ITGA1: variants seen among roughly 807,000 people sequenced by gnomAD.
The protein encoded by ITGA1 is integrin subunit alpha 1.
ITGA1 carries 85 observed loss-of-function variants against 145.9 expected under a neutral mutation model. The ratio of observed to expected loss-of-function variants is 0.58; its 90% CI spans 0.49 to 0.70. ITGA1 has a LOEUF of 0.70. Ranked by LOEUF, ITGA1 falls within the 30% of genes least tolerant of loss-of-function variation. The pLI, the probability that ITGA1 is intolerant of heterozygous loss-of-function variation, is 0.00. For missense variants in ITGA1, 1,351 were observed against 1,418.7 expected (o/e 0.95, Z 0.77); for synonymous variants, 520 against 495.3 (o/e 1.05, Z -0.66).
intron 15 of ITGA1, among the ~76,000 whole-genome samples, chr5:52,917,668 A>G (rs968292303): frequency 1.3e-5 from 2 of 152,072 alleles, no homozygotes; most frequent in African/African-American, 2.4e-5. Context: ...GTAGGCATAC[A>G]TATGAAGATG....
At chr5:52,804,325 C>G (rs1182126097) in intron 1 of ITGA1, among the ~76,000 whole-genome samples, 2 of 152,192 alleles carry the variant, frequency 1.3e-5, no homozygotes, top group Non-Finnish European at 1.5e-5. Flanking sequence ...TGCCACTAAA[C>G]TCAATAAGTG....
Position 52,956,992 on chromosome 5 carries a change from T to C in ITGA1, c.*4541T>C, listed in dbSNP as rs1013550147. 9 of 152,220 alleles carry C rather than the reference T, an allele frequency of 5.9e-5. No homozygotes were observed. Among genetic ancestry groups the C allele is most frequent in the African/African-American group, 2.2e-4 (9 of 41,456 alleles). 9.4% of individuals were successfully genotyped at this position (152,220 alleles called of 1,614,324 possible). A position where few individuals can be genotyped will look rare whatever the true frequency, so the allele number is the denominator to read the frequency against. ...CACATTACAAAAGGCTAAATGCTGCTGTTTCTAAGTGGAAGCACTGTTGAA... is the reference window on the plus strand; with the variant it reads ...CACATTACAAAAGGCTAAATGCTGCCGTTTCTAAGTGGAAGCACTGTTGAA... On this transcript the variant is annotated 3_prime_UTR_variant, in exon 29 of 29. Coordinates refer to ENST00000282588, the MANE Select transcript of ITGA1 (RefSeq NM_181501.2).
chr5:52,893,934 CT>C (rs35782834), intron 9 of ITGA1, 94 bp downstream of exon 9: 126,265 of 664,018 alleles, frequency 0.19, 295 homozygotes, highest in South Asian at 0.23. Context: ...ATCAGTAATA[CT>C]TTTTTTTTTT....
intron 12 of ITGA1, among the ~76,000 whole-genome samples, chr5:52,906,232 C>T (rs932401614): frequency 1.3e-5 from 2 of 152,086 alleles, no homozygotes; most frequent in South Asian, 2.1e-4. Flanking sequence ...TTGCTTTAAG[C>T]TAGGATTGGT....
At chr5:52,861,235 GTA>G (rs926797743) in intron 2 of ITGA1, among the ~76,000 whole-genome samples, 52 of 151,896 alleles carry the variant, frequency 3.4e-4, no homozygotes, top group African/African-American at 1.2e-3. Context: ...TATTGTATAT[GTA>G]TGTGTGTGTG....
At chr5:52,873,869 C>T (rs1350330459) in intron 6 of ITGA1, among the ~76,000 whole-genome samples, 2 of 151,966 alleles carry the variant, frequency 1.3e-5, no homozygotes, top group Non-Finnish European at 2.9e-5. Flanking sequence ...GAATGAAAGC[C>T]CAGAAACTTA....
chr5:52,847,160 G>C (rs1749351074), intron 1 of ITGA1, among the ~76,000 whole-genome samples: 1 of 152,118 alleles, frequency 6.6e-6, no homozygotes, highest in South Asian at 2.1e-4. Flanking sequence ...AATAAGAAAG[G>C]AGGTTTTAGA....
At chr5:52,819,498 G>T (rs1748833087) in intron 1 of ITGA1, among the ~76,000 whole-genome samples, 1 of 151,984 alleles carries the variant, frequency 6.6e-6, no homozygotes, top group Admixed American at 6.6e-5. Context: ...GGAGTTGTTT[G>T]CTTTTTTCTT....
At chr5:52,926,473 A>T (rs2447873) in intron 19 of ITGA1, among the ~76,000 whole-genome samples, 1 of 151,754 alleles carries the variant, frequency 6.6e-6, no homozygotes, top group Non-Finnish European at 1.5e-5. Context: ...ATGGTGGCAC[A>T]CACCTGTAGT....
In ITGA1 at chr5:52,954,437, A is replaced by AG. The variant is rs1735689605; in HGVS notation, c.*1989dup. The AG allele has an allele frequency of 1.3e-5, 2 of 152,366 alleles. No homozygotes were observed. Among genetic ancestry groups the AG allele is most frequent in the Middle Eastern group, 3.4e-3 (1 of 294 alleles). The allele number at this position is 152,366 out of a possible 1,614,324, so 9.4% of individuals were successfully genotyped here. A position where few individuals can be genotyped will look rare whatever the true frequency, so the allele number is the denominator to read the frequency against. ...CTTTTAAACTAAATTGTTAACTGAA[A>AG]GGGAAAAAATAGAAATGAGGGCATT... On this transcript the variant is annotated 3_prime_UTR_variant, in exon 29 of 29. Transcript: ENST00000282588.
chr5:52,821,262 G>A (rs532671797), intron 1 of ITGA1, among the ~76,000 whole-genome samples: 1 of 152,194 alleles, frequency 6.6e-6, no homozygotes, highest in South Asian at 2.1e-4. Flanking sequence ...GCTTAATTTG[G>A]GTCAATGTTT....
chr5:52,825,154 A>G (rs1748940102), intron 1 of ITGA1: 1 of 152,146 alleles, frequency 6.6e-6, no homozygotes, highest in African/African-American at 2.4e-5. Context: ...TTCTGTTCCT[A>G]TTAACATGCC....
intron 3 of ITGA1, chr5:52,863,914 T>G (rs1327671216): frequency 6.6e-6 from 1 of 152,242 alleles, no homozygotes; most frequent in South Asian, 2.1e-4. Flanking sequence ...CAAAGGCCAT[T>G]GCGCAGATCA....
At chr5:52,835,074 T>TA (rs1274882377) in intron 1 of ITGA1, among the ~76,000 whole-genome samples, 1 of 152,180 alleles carries the variant, frequency 6.6e-6, no homozygotes, top group Non-Finnish European at 1.5e-5. Context: ...TACTTCCACT[T>TA]ACTTTTTTTG....
chr5:52,949,432 G>C lies in ITGA1; in HGVS notation c.3495+1971G>C, dbSNP rs140846897. 2.6e-5 allele frequency among the ~76,000 whole-genome samples: 4 copies of C among 152,226 alleles called. No homozygotes were observed. The East Asian group carries it at 7.7e-4, about 29-fold the overall frequency. ...TTCTCTCTTGCTTCCATTCACTCTG[G>C]TGTCCTTGCAACAATCTTTTCGACC... is the stretch of plus-strand genomic sequence containing the variant. On this transcript the variant is annotated intron_variant, in intron 28 of 28. Coordinates refer to ENST00000282588, the MANE Select transcript of ITGA1 (RefSeq NM_181501.2).
chr5:52,950,514 A>T (rs1751202525), intron 28 of ITGA1, among the ~76,000 whole-genome samples: 1 of 152,210 alleles, frequency 6.6e-6, no homozygotes, highest in East Asian at 1.9e-4. Flanking sequence ...TGAAGCAAAC[A>T]CAGGAAGGAA....
chr5:52,794,001 T>TA (rs1748291653), intron 1 of ITGA1, among the ~76,000 whole-genome samples: 1 of 151,958 alleles, frequency 6.6e-6, no homozygotes, highest in Non-Finnish European at 1.5e-5. Context: ...AAAAGGAAGA[T>TA]AAAAAAGTCA....
At chr5:52,881,395 C>T (rs1414029460) in intron 6 of ITGA1, among the ~76,000 whole-genome samples, 1 of 152,180 alleles carries the variant, frequency 6.6e-6, no homozygotes, top group Admixed American at 6.5e-5. Flanking sequence ...GAAGTCTCAG[C>T]TTCTGAGAAG....
chr5:52,861,325 A>ATTATTAGTATATAAT, intron 2 of ITGA1, 122 bp from the exon 3 acceptor site: 1 of 647,448 alleles, frequency 1.5e-6, no homozygotes, highest in Non-Finnish European at 2.7e-6. Context: ...TAAATTACTA[A>ATTATTAGTATATAAT]TAGCATGATT....
Sources: allele counts gnomAD v4.1 joint callset (sites outside exome capture counted in the v4.1 genomes callset), GRCh38; gene constraint gnomAD v4.1.1; transcripts MANE v1.5; gene names NCBI Gene and HGNC (gene_info 2026-07-23, HGNC 2026-07-21).